Variants in OSBPL8 observed in about 807,000 individuals in gnomAD.
The protein encoded by OSBPL8 is oxysterol-binding protein-related protein 8.
Under a neutral mutation model 125.5 loss-of-function variants are expected in OSBPL8, and 59 were observed. The observed-to-expected ratio is 0.47, with a 90% CI of 0.38 to 0.58. The LOEUF (loss-of-function observed/expected upper bound fraction) is 0.58, where lower values mean the gene tolerates loss of function less well. OSBPL8 is among the 20% of genes least tolerant of loss of function. The pLI is 0.00. For missense variants in OSBPL8, 758 were observed against 1,047.8 expected, an observed-to-expected ratio of 0.72 and a Z score of 3.82; for synonymous variants, 330 against 338.9, an observed-to-expected ratio of 0.97 and a Z score of 0.29.
At chr12:76,483,660 CTTTTT>C (rs869202382) in intron 2 of OSBPL8, among the ~76,000 whole-genome samples, 4 of 57,436 alleles carry the variant, frequency 7.0e-5, no homozygotes, top group African/African-American at 8.0e-5. Flanking sequence ...CTGTAATAGT[CTTTTT>C]TTTTTTTTTT....
rs11113675 is a variant in OSBPL8 at position 76,443,134 on chromosome 12, A to G, written c.217+7717T>C. Among the ~76,000 whole-genome samples, 810 of 152,324 alleles carry G rather than the reference A, an allele frequency of 5.3e-3. 4 individuals carry two copies. The highest frequency in any genetic ancestry group is 8.3e-3 in the Non-Finnish European group (566 of 68,026). Reference sequence around the variant, plus strand: ...TTTGATAAAACTGATTAAGCAGGTTAAAGTTTTTGTTTTAAAAGTTTTAAA... The same window carrying G: ...TTTGATAAAACTGATTAAGCAGGTTGAAGTTTTTGTTTTAAAAGTTTTAAA... On this transcript the variant is annotated intron_variant, in intron 4 of 23. Coordinates refer to ENST00000261183, the MANE Select transcript of OSBPL8 (RefSeq NM_020841.5).
In OSBPL8 at chr12:76,383,211, C is replaced by T. The variant is rs188937317; in HGVS notation, c.1630+1043G>A. 6.7e-3 allele frequency among the ~76,000 whole-genome samples: 1,019 copies of T among 151,960 alleles called. 6 individuals carry two copies. The highest frequency in any genetic ancestry group is 0.037 in the Middle Eastern group (11 of 294). On this transcript the variant is annotated intron_variant, in intron 15 of 23. Transcript: ENST00000261183. ...ATCCCAGAAAGTGAGCTATGCACCT[C>T]GTACTCAATAAAAATTTCTATAAGG...
At chr12:76,478,003 G>A (rs1877019901) in intron 2 of OSBPL8, among the ~76,000 whole-genome samples, 1 of 151,818 alleles carries the variant, frequency 6.6e-6, no homozygotes, top group Non-Finnish European at 1.5e-5. Context: ...CAGGAGTTTG[G>A]GATCAGCCTG....
intron 4 of OSBPL8, among the ~76,000 whole-genome samples, chr12:76,421,148 T>C (rs180894642): frequency 9.2e-5 from 14 of 152,106 alleles, no homozygotes; most frequent in Admixed American, 1.3e-4. Flanking sequence ...AAACAATATA[T>C]ACTAGCAAGC....
At chr12:76,494,595 T>G (rs549220686) in intron 1 of OSBPL8, among the ~76,000 whole-genome samples, 1 of 152,268 alleles carries the variant, frequency 6.6e-6, no homozygotes, top group East Asian at 1.9e-4. Context: ...CAGGATTTCC[T>G]GAAAAACTGA....
At chr12:76,544,692 G>A (rs1052726989) in intron 1 of OSBPL8, among the ~76,000 whole-genome samples, 13 of 152,024 alleles carry the variant, frequency 8.6e-5, no homozygotes, top group Admixed American at 2.0e-4. Context: ...AATAAGATCC[G>A]ATGGTCTAAT....
At chr12:76,512,567 A>G (rs973526228) in intron 1 of OSBPL8, among the ~76,000 whole-genome samples, 3 of 152,130 alleles carry the variant, frequency 2.0e-5, no homozygotes, top group Non-Finnish European at 4.4e-5. Context: ...TACAGGTTCC[A>G]TACTGTTTTT....
At chr12:76,501,295 A>T (rs1428783999) in intron 1 of OSBPL8, among the ~76,000 whole-genome samples, 1 of 152,208 alleles carries the variant, frequency 6.6e-6, no homozygotes, top group Non-Finnish European at 1.5e-5. Context: ...GCATTTTTTA[A>T]CATGTAAGCT....
intron 1 of OSBPL8, among the ~76,000 whole-genome samples, chr12:76,542,628 T>C (rs531930608): frequency 1.2e-4 from 19 of 152,324 alleles, no homozygotes; most frequent in South Asian, 1.0e-3. Flanking sequence ...ATTCTCCCCT[T>C]GGATGAACCA....
In OSBPL8 at chr12:76,355,792, G is replaced by A. The variant is rs1287362167; in HGVS notation, c.*97C>T. ...TATCTCCTAGGTTTTTTTGTTTTCG[G>A]AATATTGTGATTTTTAATAAAGACC... is the stretch of plus-strand genomic sequence containing the variant. On this transcript the variant is annotated 3_prime_UTR_variant, in exon 24 of 24. Transcript: ENST00000261183. 4.4e-6 allele frequency: 6 copies of A among 1,371,886 alleles called. No homozygotes were observed. Among genetic ancestry groups the A allele is most frequent in the Non-Finnish European group, 5.9e-6 (6 of 1,015,470 alleles). 85.0% of individuals were successfully genotyped at this position (1,371,886 alleles called of 1,614,324 possible). A position where few individuals can be genotyped will look rare whatever the true frequency, so the allele number is the denominator to read the frequency against.
intron 2 of OSBPL8, among the ~76,000 whole-genome samples, chr12:76,476,508 T>C (rs532478799): frequency 6.6e-6 from 1 of 152,146 alleles, no homozygotes; most frequent in Non-Finnish European, 1.5e-5. Flanking sequence ...AAATAAAATA[T>C]AGTAGACTTG....
At chr12:76,548,454 A>G (rs1950845203) in intron 1 of OSBPL8, among the ~76,000 whole-genome samples, 1 of 152,204 alleles carries the variant, frequency 6.6e-6, no homozygotes, top group African/African-American at 2.4e-5. Flanking sequence ...TTGACTAACT[A>G]TAAGGGACAG....
rs1951894294 is a variant in OSBPL8 at position 76,353,687 on chromosome 12, T to G, written c.*2202A>C. On this transcript the variant is annotated 3_prime_UTR_variant, in exon 24 of 24. Coordinates refer to ENST00000261183, the MANE Select transcript of OSBPL8 (RefSeq NM_020841.5). Reference sequence around the variant, plus strand: ...AGCCACCAATTCCTGAGTTTTGTGTTCAGTTCATAGAAAGAGACTCATACA... The same window carrying G: ...AGCCACCAATTCCTGAGTTTTGTGTGCAGTTCATAGAAAGAGACTCATACA... The G allele has an allele frequency of 6.6e-6, 1 of 152,412 alleles. No individual in the cohort carries two copies. Among genetic ancestry groups the G allele is most frequent in the Non-Finnish European group, 1.5e-5 (1 of 67,848 alleles). The allele number at this position is 152,412 out of a possible 1,614,324, so 9.4% of individuals were successfully genotyped here. A position where few individuals can be genotyped will look rare whatever the true frequency, so the allele number is the denominator to read the frequency against.
chr12:76,394,651 A>T lies in OSBPL8; in HGVS notation c.751T>A (p.Ser251Thr), dbSNP rs1490506323. The change falls in exon 9 of 24, where the codon TCA becomes ACA. Residue 251 changes from serine (S) to threonine (T), a missense_variant. Around this residue, in one of 3 missense-constraint regions of OSBPL8, gnomAD observed 572 missense variants for 762.0 expected, o/e 0.75. Transcript: ENST00000261183. ...CATCAAAAACTATACTTACCATCTGACTCTGAAGTAGCTCGGATGATCAAA... is the reference window on the plus strand; with the variant it reads ...CATCAAAAACTATACTTACCATCTGTCTCTGAAGTAGCTCGGATGATCAAA... ...SYLIIRATSE[S>T]DGRCWMDALE... is the part of the protein sequence containing the mutation. The T allele has an allele frequency of 6.2e-7, 1 of 1,610,360 alleles. No individual in the cohort carries two copies. Among genetic ancestry groups the T allele is most frequent in the Non-Finnish European group, 8.5e-7 (1 of 1,178,536 alleles).
At position 76,459,882 on chromosome 12, in the gene OSBPL8, C is replaced by T. The variant is rs768920372; in HGVS notation, c.56G>A (p.Ser19Asn). ...ACTTGATGGCCCAAGGACATCTTTG[C>T]TATCACCAAGAAGCTTTTAAGGCAG... ...EPDRTSLLGDSKDVLGPSTVV... is the reference protein window; with the variant it reads ...EPDRTSLLGDNKDVLGPSTVV... The change falls in exon 3 of 24, where the codon AGC (serine) becomes AAC (asparagine). Residue 19 changes from serine (S) to asparagine (N), a missense_variant. This residue lies in a region of OSBPL8 where 117 missense variants were observed against 137.1 expected (regional missense o/e 0.85). Coordinates refer to ENST00000261183, the MANE Select transcript of OSBPL8 (RefSeq NM_020841.5). 8.7e-6 allele frequency: 14 copies of T among 1,613,716 alleles called. No homozygotes were observed. The highest frequency in any genetic ancestry group is 5.0e-5 in the Admixed American group (3 of 60,018).
chr12:76,504,864 C>T (rs1174241299), intron 1 of OSBPL8, among the ~76,000 whole-genome samples: 2 of 152,114 alleles, frequency 1.3e-5, no homozygotes, highest in East Asian at 3.8e-4. Flanking sequence ...CTAAGATTGG[C>T]TTTTTGAGAT....
intron 1 of OSBPL8, among the ~76,000 whole-genome samples, chr12:76,503,695 T>C (rs1592805070): frequency 6.6e-6 from 1 of 151,914 alleles, no homozygotes; most frequent in Admixed American, 6.6e-5. Flanking sequence ...CCCGCCACCA[T>C]GCCCGGCTAA....
chr12:76,534,178 A>G (rs1471576250), intron 1 of OSBPL8: 1 of 152,208 alleles, frequency 6.6e-6, no homozygotes, highest in African/African-American at 2.4e-5. Flanking sequence ...TTTTTCTTCA[A>G]TTCAACATGT....
intron 9 of OSBPL8, among the ~76,000 whole-genome samples, 172 bp downstream of exon 9, chr12:76,394,472 AT>A (rs1264360113): frequency 6.6e-6 from 1 of 152,202 alleles, no homozygotes; most frequent in Non-Finnish European, 1.5e-5. Context: ...TTTCTATCAG[AT>A]TTTTGTCTAT....
Sources: gnomAD v4.1 joint callset for allele counts (sites outside exome capture counted in the v4.1 genomes callset) on GRCh38, gnomAD v4.1.1 for gene constraint, gnomAD v4.1.1 regional missense constraint, MANE v1.5 for transcripts, NCBI Gene and HGNC (gene_info 2026-07-23, HGNC 2026-07-21) for gene names.